KLF8: variants seen among roughly 807,000 people sequenced by gnomAD.
KLF8 encodes KLF transcription factor 8.
Under a neutral mutation model 18.2 loss-of-function variants are expected in KLF8, and 10 were observed. That is an observed-to-expected ratio of 0.55 (90% CI 0.34 to 0.93). KLF8 has a LOEUF of 0.93. Ranked by LOEUF, KLF8 falls within the 40% of genes least tolerant of loss-of-function variation. KLF8 has a pLI of 0.02. For synonymous variants in KLF8, 109 were observed against 97.3 expected (o/e 1.12, Z -0.71); for missense variants, 264 against 277.9 (o/e 0.95, Z 0.36).
chrX:55,924,323 C>T, the KLF8 span, among the ~76,000 whole-genome samples: 311 of 111,660 alleles, frequency 2.8e-3, 1 homozygote, highest in African/African-American at 9.5e-3. Flanking sequence ...CTGATCTGCC[C>T]GCCTCAGCCT....
chrX:56,187,588 C>T, the KLF8 span, among the ~76,000 whole-genome samples: 1 of 111,492 alleles, frequency 9.0e-6, no homozygotes, highest in South Asian at 3.8e-4. Context: ...AATTTTAGAC[C>T]AATATCCTTG....
chrX:56,036,938 T>G, the KLF8 span, among the ~76,000 whole-genome samples: 1 of 110,563 alleles, frequency 9.0e-6, no homozygotes, highest in Non-Finnish European at 1.9e-5. Flanking sequence ...CAAATGTGAC[T>G]GCCTTCTTGA....
At chrX:56,055,960 T>C in the KLF8 span, among the ~76,000 whole-genome samples, 10 of 111,836 alleles carry the variant, frequency 8.9e-5, no homozygotes, top group African/African-American at 3.3e-4. Flanking sequence ...CTTTCAGCTC[T>C]TATATTATTT....
chrX:56,197,674 C>T, the KLF8 span, among the ~76,000 whole-genome samples: 1 of 111,659 alleles, frequency 9.0e-6, no homozygotes, highest in Non-Finnish European at 1.9e-5. Context: ...GAGGGACTGG[C>T]ACCATTCCTT....
intron 1 of KLF8, among the ~76,000 whole-genome samples, chrX:56,236,848 T>TTGTGTGTGTG (rs3052510): frequency 1.1e-5 from 1 of 95,073 alleles, no homozygotes; most frequent in African/African-American, 4.0e-5. Context: ...ATGAGTATGT[T>TTGTGTGTGTG]TGTGTGTGTG....
At chrX:56,055,159 G>A in the KLF8 span, among the ~76,000 whole-genome samples, 2 of 111,599 alleles carry the variant, frequency 1.8e-5, no homozygotes, top group East Asian at 2.8e-4. Flanking sequence ...TTATGTAGTT[G>A]CTTTATATTG....
At chrX:56,229,137 C>T (rs2066385806), upstream of KLF8, among the ~76,000 whole-genome samples, 1 of 110,982 alleles carries the variant, frequency 9.0e-6, no homozygotes, top group Non-Finnish European at 1.9e-5. Context: ...TTCCTCCTCC[C>T]TTCCCTCCAG....
chrX:55,940,327 A>G, the KLF8 span, among the ~76,000 whole-genome samples: 1 of 111,377 alleles, frequency 9.0e-6, no homozygotes, highest in East Asian at 2.8e-4. Context: ...AAATTCAACA[A>G]CCCTTCATGC....
rs1158746571 is a variant in KLF8, at chrX:56,235,428, T to TC, written c.7+2087_7+2088insC. Among the ~76,000 whole-genome samples the TC allele has an allele frequency of 2.8e-5, 3 of 107,009 alleles. No individual in the cohort carries two copies. The Admixed American group carries it at 3.0e-4, about 11-fold the overall frequency. 92.9% of individuals were successfully genotyped at this position (107,009 alleles called of 115,157 possible). ...GGTATTCTTCCTGATTTTTTTTTTT[T>TC]TTTTTGACACGGTGTTTCGCCCTTG... On this transcript the variant is annotated intron_variant, in intron 1 of 5. Coordinates refer to ENST00000468660, the MANE Select transcript of KLF8 (RefSeq NM_007250.5).
At chrX:56,257,756 C>T (rs1317322796) in intron 2 of KLF8, among the ~76,000 whole-genome samples, 1 of 112,348 alleles carries the variant, frequency 8.9e-6, no homozygotes, top group African/African-American at 3.2e-5. Context: ...ATCCATTCCG[C>T]CATCGATGGG....
At chrX:56,140,629 G>A in the KLF8 span, among the ~76,000 whole-genome samples, 2 of 109,812 alleles carry the variant, frequency 1.8e-5, no homozygotes, top group African/African-American at 3.3e-5. Context: ...AGAGGGTGAA[G>A]ATCGAAAAAC....
chrX:56,248,425 ACC>A (rs2066656420), intron 1 of KLF8, among the ~76,000 whole-genome samples: 1 of 111,641 alleles, frequency 9.0e-6, no homozygotes, highest in African/African-American at 3.3e-5. Context: ...ATACCGTGTT[ACC>A]CCCTCTTTTG....
the KLF8 span, among the ~76,000 whole-genome samples, chrX:55,964,094 C>G: frequency 9.0e-6 from 1 of 111,219 alleles, no homozygotes; most frequent in East Asian, 2.8e-4. Context: ...ATACAACATA[C>G]CATAATTTCT....
At chrX:55,926,874 C>T in the KLF8 span, among the ~76,000 whole-genome samples, 1 of 108,415 alleles carries the variant, frequency 9.2e-6, no homozygotes, top group Non-Finnish European at 1.9e-5. Flanking sequence ...AGATCACATG[C>T]TCAGACATAC....
chrX:56,028,303 C>CT, the KLF8 span, among the ~76,000 whole-genome samples: 3 of 80,716 alleles, frequency 3.7e-5, no homozygotes, highest in African/African-American at 5.5e-4. Context: ...TTGGCTAGCA[C>CT]GCAAAGTTTG....
At chrX:56,191,412 C>G in the KLF8 span, among the ~76,000 whole-genome samples, 1 of 111,718 alleles carries the variant, frequency 9.0e-6, no homozygotes, top group Non-Finnish European at 1.9e-5. Context: ...CCTACTCAAA[C>G]TATTTCAAAA....
the KLF8 span, among the ~76,000 whole-genome samples, chrX:56,010,445 A>C: frequency 4.9e-3 from 549 of 112,306 alleles, 4 homozygotes; most frequent in African/African-American, 0.017. Context: ...CCTGCCTTGC[A>C]ACAGCTCCTG....
chrX:55,936,423 G>A, the KLF8 span, among the ~76,000 whole-genome samples: 2 of 112,693 alleles, frequency 1.8e-5, no homozygotes, highest in Admixed American at 1.9e-4. Context: ...AATAGGAAAA[G>A]CTCCAGTCTA....
chrX:56,191,231 A>G, the KLF8 span, among the ~76,000 whole-genome samples: 1 of 111,930 alleles, frequency 8.9e-6, no homozygotes, highest in South Asian at 3.7e-4. Flanking sequence ...AATTGCTAGA[A>G]ACATACAGCC....
Sources: gnomAD v4.1 joint callset for allele counts (sites outside exome capture counted in the v4.1 genomes callset) on GRCh38, gnomAD v4.1.1 for gene constraint, MANE v1.5 for transcripts, NCBI Gene and HGNC (gene_info 2026-07-23, HGNC 2026-07-21) for gene names.